Variants in TMCO6 observed in about 807,000 individuals in gnomAD.
The protein encoded by TMCO6 is transmembrane and coiled-coil domain-containing protein 6.
Under a neutral mutation model 61.8 loss-of-function variants are expected in TMCO6, and 47 were observed. The observed-to-expected ratio is 0.76, with a 90% confidence interval of 0.60 to 0.97. The LOEUF is 0.97. Among genes scored for constraint, TMCO6 ranks in the 50% least tolerant of loss-of-function variants. The pLI, the probability that TMCO6 is intolerant of heterozygous loss-of-function variation, is 0.00. For missense variants in TMCO6, 557 were observed against 601.6 expected, an observed-to-expected ratio of 0.93 and a Z score of 0.78; for synonymous variants, 261 against 254.2, an observed-to-expected ratio of 1.03 and a Z score of -0.25.
At chr5:140,644,918 G>A in intron 11 of TMCO6, 67 bp from the exon 12 acceptor site, 3 of 1,559,148 alleles carry the variant, frequency 1.9e-6, no homozygotes, top group Admixed American at 1.7e-5. Context: ...GCTGACCCAT[G>A]AGGCTGTGGG....
At chr5:140,646,697 G>A (rs1757420878), downstream of TMCO6, among the ~76,000 whole-genome samples, 1 of 152,130 alleles carries the variant, frequency 6.6e-6, no homozygotes, top group Admixed American at 6.5e-5. Context: ...GTGCATTCTA[G>A]GAAGGGGAAT....
At chr5:140,619,588 C>G in the TMCO6 span, among the ~76,000 whole-genome samples, 1 of 151,954 alleles carries the variant, frequency 6.6e-6, no homozygotes, top group Middle Eastern at 3.4e-3. Context: ...AAACACACAA[C>G]TCTCCCTCCC....
chr5:140,639,557 G>C lies in TMCO6; in HGVS notation c.30G>C (p.Arg10Ser). MWSRRQGRL[R>S]PTVCGVEELR... ...GGAGCCGACGGCAGGGCCGCCTCAGGCCCACGGTCTGCGGGGTGGAGGAGC... is the reference window on the plus strand; with the variant it reads ...GGAGCCGACGGCAGGGCCGCCTCAGCCCCACGGTCTGCGGGGTGGAGGAGC... Residue 10 changes from arginine to serine, a missense_variant, in exon 1 of 12, where the codon AGG (arginine) becomes AGC (serine). By Grantham distance (110) the Arg-to-Ser change is moderately radical (BLOSUM62 -1). Coordinates refer to ENST00000394671, the MANE Select transcript of TMCO6 (RefSeq NM_018502.5). 6.5e-7 allele frequency: 1 copy of C among 1,549,478 alleles called. No homozygotes were observed. Among genetic ancestry groups the C allele is most frequent in the East Asian group, 2.4e-5 (1 of 40,900 alleles).
upstream of TMCO6, among the ~76,000 whole-genome samples, chr5:140,636,574 T>C (rs1183666335): frequency 6.6e-6 from 1 of 151,984 alleles, no homozygotes; most frequent in Non-Finnish European, 1.5e-5. Context: ...GCCAGACAGT[T>C]GCATGAGGAA....
At chr5:140,599,623 A>G in the TMCO6 span, among the ~76,000 whole-genome samples, 1 of 152,228 alleles carries the variant, frequency 6.6e-6, no homozygotes, top group Non-Finnish European at 1.5e-5. Context: ...AGCTCCAGCC[A>G]GGTGCTGTGG....
the TMCO6 span, among the ~76,000 whole-genome samples, chr5:140,611,232 A>C: frequency 6.6e-6 from 1 of 152,234 alleles, no homozygotes; most frequent in South Asian, 2.1e-4. Flanking sequence ...TGTCTTGCTT[A>C]TCTGGGAGGC....
At chr5:140,600,822 G>A in the TMCO6 span, among the ~76,000 whole-genome samples, 1 of 151,990 alleles carries the variant, frequency 6.6e-6, no homozygotes, top group East Asian at 1.9e-4. Context: ...AATGTTCCAC[G>A]GTCAGATACA....
the TMCO6 span, among the ~76,000 whole-genome samples, chr5:140,621,372 G>A: frequency 2.6e-5 from 4 of 152,314 alleles, no homozygotes; most frequent in African/African-American, 9.6e-5. Context: ...TCTTATGCCT[G>A]TCTTTACTGC....
chr5:140,639,839 C>A lies in TMCO6; in HGVS notation c.186C>A (p.Leu62=). The A allele has an allele frequency of 6.2e-7, 1 of 1,606,018 alleles. No homozygotes were observed. The highest frequency in any genetic ancestry group is 2.2e-5 in the East Asian group (1 of 44,632). ...GAGAGGGATGTGTGGCTGCGATCCT[C>A]GGGGAAACCGAGGTGAGGGGGCAAG... ...EAGEGCVAAI[L]GETEVQQFLR... is the part of the protein sequence containing the mutation. The change falls in exon 2 of 12, where the codon CTC becomes CTA. Residue 62 remains leucine, a synonymous_variant. Coordinates refer to ENST00000394671, the MANE Select transcript of TMCO6 (RefSeq NM_018502.5).
chr5:140,615,121 C>A, the TMCO6 span, among the ~76,000 whole-genome samples: 3 of 152,158 alleles, frequency 2.0e-5, no homozygotes, highest in African/African-American at 7.2e-5. Flanking sequence ...ACAAAATCAA[C>A]ACTGAAAAAT....
At chr5:140,634,829 T>C (rs1756729834), upstream of TMCO6, among the ~76,000 whole-genome samples, 1 of 151,054 alleles carries the variant, frequency 6.6e-6, no homozygotes, top group Admixed American at 6.6e-5. Context: ...TTTGTTCTTG[T>C]TGCCCAGGCT....
intron 2 of TMCO6, among the ~76,000 whole-genome samples, chr5:140,640,863 TGA>T (rs1468760215): frequency 6.6e-6 from 1 of 152,234 alleles, no homozygotes; most frequent in Non-Finnish European, 1.5e-5. Context: ...GTTTATTGAA[TGA>T]GTGAATGAAA....
In TMCO6 at chr5:140,643,337, C is replaced by T. The variant is rs1581466043; in HGVS notation, c.807-227C>T. 4.6e-5 allele frequency: 27 copies of T among 584,058 alleles called. No individual in the cohort carries two copies. The East Asian group carries it at 8.5e-4, about 18-fold the overall frequency. 36.2% of individuals were successfully genotyped at this position (584,058 alleles called of 1,614,324 possible). A position where few individuals can be genotyped will look rare whatever the true frequency, so the allele number is the denominator to read the frequency against. On this transcript the variant is annotated intron_variant, in intron 7 of 11. Transcript: ENST00000394671. ...TCAGCCTCCTGAGTAGCTGAGACTA[C>T]AGATGCGTGCCACTATGCCCGGCTA...
the TMCO6 span, among the ~76,000 whole-genome samples, chr5:140,603,678 G>GT: frequency 0.51 from 77,412 of 150,350 alleles, 20,184 homozygotes; most frequent in Non-Finnish European, 0.53. Context: ...AATATTTGGG[G>GT]TTTTTTTTTG....
the TMCO6 span, among the ~76,000 whole-genome samples, chr5:140,629,228 C>T: frequency 6.6e-6 from 1 of 151,978 alleles, no homozygotes; most frequent in East Asian, 1.9e-4. Flanking sequence ...GAGATCAAAC[C>T]ACTGCACTCC....
downstream of TMCO6, chr5:140,647,018 C>T: frequency 2.1e-6 from 1 of 471,126 alleles, no homozygotes; most frequent in Non-Finnish European, 3.7e-6. Context: ...ACTACAAAAA[C>T]GTCAGCTCCT....
At chr5:140,610,445 C>T in the TMCO6 span, among the ~76,000 whole-genome samples, 10 of 152,080 alleles carry the variant, frequency 6.6e-5, no homozygotes, top group African/African-American at 2.2e-4. Flanking sequence ...GCACTTCTCC[C>T]GCCTCAGCCA....
chr5:140,642,956 A>G lies in TMCO6; in HGVS notation c.721A>G (p.Met241Val), dbSNP rs1176514024. The change falls in exon 7 of 12, where the codon ATG (methionine) becomes GTG (valine). Residue 241 changes from methionine (M) to valine (V), a missense_variant. Transcript: ENST00000394671. ...CTTGGCCTCCACTCTCCCTCAGCAC[A>G]TGCTACAAATGTTGCAACCTGGCCC... Reference protein sequence around the residue: ...SILASTLPQHMLQMLQPGPKL... With the variant: ...SILASTLPQHVLQMLQPGPKL... 4 of 1,614,044 alleles carry G rather than the reference A, an allele frequency of 2.5e-6. No homozygotes were observed. The highest frequency in any genetic ancestry group is 3.4e-6 in the Non-Finnish European group (4 of 1,180,036).
At chr5:140,629,242 C>T in the TMCO6 span, among the ~76,000 whole-genome samples, 730 of 151,866 alleles carry the variant, frequency 4.8e-3, 13 homozygotes, top group African/African-American at 0.017. Flanking sequence ...GCACTCCAGC[C>T]TAGGTGACAG....
Sources: gnomAD v4.1 joint callset for allele counts (sites outside exome capture counted in the v4.1 genomes callset) on GRCh38, gnomAD v4.1.1 for gene constraint, MANE v1.5 for transcripts, NCBI Gene and HGNC (gene_info 2026-07-23, HGNC 2026-07-21) for gene names.